The following MYZAP variants were observed in gnomAD, a reference collection of about 807,000 sequenced individuals.
The protein encoded by MYZAP is GRINL1A complex locus upstream.
A neutral mutation model predicts 69.4 loss-of-function variants in MYZAP; 66 were observed. The observed-to-expected ratio is 0.95, with a 90% CI of 0.78 to 1.17. MYZAP has a LOEUF of 1.17. Ranked by LOEUF, MYZAP falls within the 50% of genes most tolerant of loss-of-function variation. The pLI, the probability that MYZAP is intolerant of heterozygous loss-of-function variation, is 0.00. For missense variants in MYZAP, 611 were observed against 556.2 expected, an observed-to-expected ratio of 1.10 and a Z score of -0.99; for synonymous variants, 256 against 205.9, an observed-to-expected ratio of 1.24 and a Z score of -2.09.
intron 5 of MYZAP, among the ~76,000 whole-genome samples, 186 bp from the exon 6 acceptor site, chr15:57,629,516 G>A (rs765918843): frequency 6.6e-6 from 1 of 152,070 alleles, no homozygotes; most frequent in Admixed American, 6.6e-5. Context: ...AAGCTACAGG[G>A]GCAGACCTCT....
chr15:57,660,051 A>G (rs2038206093), intron 10 of MYZAP, among the ~76,000 whole-genome samples: 1 of 152,122 alleles, frequency 6.6e-6, no homozygotes, highest in African/African-American at 2.4e-5. Context: ...TGTTTTTGAG[A>G]TCTGCATTTT....
intron 11 of MYZAP, among the ~76,000 whole-genome samples, chr15:57,671,885 C>T (rs1343509040): frequency 6.6e-6 from 1 of 152,116 alleles, no homozygotes; most frequent in Non-Finnish European, 1.5e-5. Context: ...TGTTGATTCT[C>T]TTTTCCCTTA....
intron 11 of MYZAP, among the ~76,000 whole-genome samples, chr15:57,668,773 A>G (rs1052515894): frequency 6.6e-6 from 1 of 151,634 alleles, no homozygotes; most frequent in Non-Finnish European, 1.5e-5. Context: ...AGAGTTCTTT[A>G]TATATTCTGG....
At chr15:57,617,390 G>C (rs2035535010) in intron 2 of MYZAP, among the ~76,000 whole-genome samples, 1 of 151,990 alleles carries the variant, frequency 6.6e-6, no homozygotes, top group Non-Finnish European at 1.5e-5. Context: ...GTTTCTCAAG[G>C]GTATTTGCAT....
intron 11 of MYZAP, among the ~76,000 whole-genome samples, chr15:57,668,513 T>C (rs1051140181): frequency 2.0e-5 from 3 of 149,900 alleles, no homozygotes; most frequent in Non-Finnish European, 4.5e-5. Context: ...TTTTCTGGCT[T>C]TGAAAGCTCC....
At chr15:57,669,480 C>A (rs1467748000) in intron 11 of MYZAP, among the ~76,000 whole-genome samples, 1 of 152,124 alleles carries the variant, frequency 6.6e-6, no homozygotes, top group East Asian at 1.9e-4. Context: ...TACCCTCTTT[C>A]TCTCCCTATC....
intron 5 of MYZAP, among the ~76,000 whole-genome samples, chr15:57,626,415 A>G (rs1046654539): frequency 2.0e-5 from 3 of 152,210 alleles, no homozygotes; most frequent in Admixed American, 2.0e-4. Flanking sequence ...AAGACCCGGT[A>G]TCTTATATTT....
rs553866150 is a variant in MYZAP, at chr15:57,629,643, G to A, written c.526-59G>A. On this transcript the variant is annotated intron_variant, in intron 5 of 12. Coordinates refer to ENST00000267853, the MANE Select transcript of MYZAP (RefSeq NM_001018100.5). ...ATAAGGGGATGCCCCAGCATGTGGTGCAGCCCATGTGTTTTCACGCCACCG... is the reference window on the plus strand; with the variant it reads ...ATAAGGGGATGCCCCAGCATGTGGTACAGCCCATGTGTTTTCACGCCACCG... The A allele has an allele frequency of 2.2e-5, 34 of 1,576,234 alleles. 1 individual carries two copies. In the South Asian group the frequency reaches 3.5e-4, roughly 16 times the overall value.
intron 12 of MYZAP, among the ~76,000 whole-genome samples, chr15:57,677,448 T>C (rs2039198314): frequency 6.6e-6 from 1 of 152,170 alleles, no homozygotes; most frequent in South Asian, 2.1e-4. Flanking sequence ...AACCAGGCCT[T>C]CTTGAGTCTT....
intron 11 of MYZAP, among the ~76,000 whole-genome samples, chr15:57,669,096 C>T (rs1444787067): frequency 1.3e-5 from 2 of 151,866 alleles, no homozygotes; most frequent in African/African-American, 4.8e-5. Flanking sequence ...ACCACGTTGC[C>T]CGGGCTGGTC....
rs571660288 is a variant in MYZAP at position 57,654,189 on chromosome 15, A to G, written c.1120-7261A>G. Among the ~76,000 whole-genome samples the G allele has an allele frequency of 1.8e-3, 269 of 152,074 alleles. 3 individuals are homozygous for G. In the Middle Eastern group the frequency reaches 0.024, roughly 13 times the overall value. On this transcript the variant is annotated intron_variant, in intron 10 of 12. Transcript: ENST00000267853. Reference sequence around the variant, plus strand: ...GCCACCTCAGCCTAATGGCCTCCCAATTAATTATTTTAATGGTTCCCCTCT... The same window carrying G: ...GCCACCTCAGCCTAATGGCCTCCCAGTTAATTATTTTAATGGTTCCCCTCT...
At chr15:57,593,212 A>ACACACACACACACACTCACT (rs770540454) in intron 1 of MYZAP, among the ~76,000 whole-genome samples, 4 of 124,908 alleles carry the variant, frequency 3.2e-5, no homozygotes, top group African/African-American at 1.4e-4. Flanking sequence ...ACACACACAC[A>ACACACACACACACACTCACT]CACCCCAGAA....
intron 5 of MYZAP, among the ~76,000 whole-genome samples, chr15:57,627,801 A>T (rs1209676371): frequency 2.6e-5 from 4 of 152,068 alleles, no homozygotes; most frequent in African/African-American, 9.7e-5. Flanking sequence ...CTTGGACCAG[A>T]GTGTAGGTTT....
intron 2 of MYZAP, among the ~76,000 whole-genome samples, chr15:57,607,761 T>A (rs2034847283): frequency 6.6e-6 from 1 of 152,190 alleles, no homozygotes; most frequent in South Asian, 2.1e-4. Flanking sequence ...GGGGCTGTTG[T>A]TTCCCTAGGG....
intron 10 of MYZAP, chr15:57,648,380 T>C: frequency 1.0e-6 from 1 of 985,444 alleles, no homozygotes; most frequent in Non-Finnish European, 1.2e-6. Context: ...CTCAGACACC[T>C]GGTGCCCAGT....
intron 7 of MYZAP, among the ~76,000 whole-genome samples, 186 bp from the exon 8 acceptor site, chr15:57,633,427 T>G (rs1400888110): frequency 1.3e-5 from 2 of 152,194 alleles, no homozygotes; most frequent in African/African-American, 4.8e-5. Context: ...AGCCACATGA[T>G]GTATCTTTAT....
At chr15:57,600,499 C>T (rs1398577517) in intron 1 of MYZAP, among the ~76,000 whole-genome samples, 1 of 152,188 alleles carries the variant, frequency 6.6e-6, no homozygotes, top group Non-Finnish European at 1.5e-5. Flanking sequence ...CCCAGCTCAT[C>T]ATAGGAAGTG....
chr15:57,626,003 T>C, intron 5 of MYZAP, 111 bp downstream of exon 5: 2 of 961,292 alleles, frequency 2.1e-6, no homozygotes, highest in Non-Finnish European at 3.2e-6. Context: ...GATTCAGAAT[T>C]CTTTAAGCAG....
Position 57,685,217 on chromosome 15 carries a change from A to G in MYZAP, c.*719A>G, listed in dbSNP as rs1239698066. 1 of 152,058 alleles carries G rather than the reference A, an allele frequency of 6.6e-6. No individual in the cohort carries two copies. Among genetic ancestry groups the G allele is most frequent in the Non-Finnish European group, 1.5e-5 (1 of 68,008 alleles). 9.4% of individuals were successfully genotyped at this position (152,058 alleles called of 1,614,324 possible). The stretch of plus-strand genomic sequence containing the variant: ...CACTTTAACTTAAAGAGAATTTTAT[A>G]TGTCTTGGAAATTTAATAATTTAGT... On this transcript the variant is annotated 3_prime_UTR_variant, in exon 13 of 13. Coordinates refer to ENST00000267853, the MANE Select transcript of MYZAP (RefSeq NM_001018100.5).
Sources: allele counts gnomAD v4.1 joint callset (sites outside exome capture counted in the v4.1 genomes callset), GRCh38; gene constraint gnomAD v4.1.1; transcripts MANE v1.5; gene names NCBI Gene and HGNC (gene_info 2026-07-23, HGNC 2026-07-21).